Variants in PSG11 observed in about 807,000 individuals in gnomAD.
PSG11 encodes the protein pregnancy specific beta-1-glycoprotein 11.
Under a neutral mutation model 36.0 loss-of-function variants are expected in PSG11, and 42 were observed. The observed-to-expected ratio is 1.17, with a 90% confidence interval of 0.91 to 1.51. The LOEUF (loss-of-function observed/expected upper bound fraction) is 1.51. Ranked by LOEUF, PSG11 falls within the 40% of genes most tolerant of loss-of-function variation. PSG11 has a pLI of 0.00. For missense variants in PSG11, 558 were observed against 403.5 expected, an observed-to-expected ratio of 1.38 and a Z score of -3.28; for synonymous variants, 206 against 153.5, an observed-to-expected ratio of 1.34 and a Z score of -2.53.
chr19:43,013,815 A>G (rs1221029037), intron 4 of PSG11, among the ~76,000 whole-genome samples: 3 of 151,504 alleles, frequency 2.0e-5, no homozygotes, highest in East Asian at 1.9e-4. Flanking sequence ...AAATATTTGT[A>G]CACTGATGTT....
At chr19:43,015,435 T>A in intron 3 of PSG11, 65 bp from the exon 4 acceptor site, 1 of 1,530,706 alleles carries the variant, frequency 6.5e-7, no homozygotes. Context: ...CCTTGTCTCT[T>A]AAAGGGACAC....
In PSG11 at chr19:43,015,397, T is replaced by G. The variant is rs547126835; in HGVS notation, c.710-27A>C. On this transcript the variant is annotated intron_variant, in intron 3 of 5. Transcript: ENST00000320078. Reference sequence around the variant, plus strand: ...TGGAGGAAAGAGAATAAAGCCACAGTTGATGTCATCTGAGGGAAGGGGAAG... The same window carrying G: ...TGGAGGAAAGAGAATAAAGCCACAGGTGATGTCATCTGAGGGAAGGGGAAG... 6.3e-6 allele frequency: 10 copies of G among 1,596,828 alleles called. 1 individual carries two copies. Among genetic ancestry groups the G allele is most frequent in the East Asian group, 4.5e-5 (2 of 44,662 alleles).
At chr19:43,013,670 G>C (rs1372869590) in intron 4 of PSG11, among the ~76,000 whole-genome samples, 1 of 151,440 alleles carries the variant, frequency 6.6e-6, no homozygotes, top group Non-Finnish European at 1.5e-5. Context: ...GTGCATTGCT[G>C]ATGGGAATGG....
chr19:43,015,887 T>C (rs1315468002), intron 3 of PSG11: 7 of 1,609,980 alleles, frequency 4.3e-6, no homozygotes, highest in Non-Finnish European at 5.9e-6. Context: ...CTGTTTTCAA[T>C]GGGTCGCTTT....
chr19:43,014,091 G>A (rs1332653915), intron 4 of PSG11: 2 of 151,874 alleles, frequency 1.3e-5, no homozygotes, highest in Non-Finnish European at 2.9e-5. Context: ...AAAGTAGAAT[G>A]GTGGGTGCTA....
chr19:43,018,463 T>C lies in PSG11; in HGVS notation c.709+307A>G, dbSNP rs571004854. The C allele has an allele frequency of 4.9e-5, 27 of 554,596 alleles. 2 individuals are homozygous for C. Among genetic ancestry groups the C allele is most frequent in the African/African-American group, 2.3e-4 (12 of 52,330 alleles). The allele number at this position is 554,596 out of a possible 1,614,324, so 34.4% of individuals were successfully genotyped here. ...GGCCACAGTGACCCTGTGAGCCAAG[T>C]CGCAAGACTGAAGTCCCAGCCAAAT... On this transcript the variant is annotated intron_variant, in intron 3 of 5. Transcript: ENST00000320078.
Position 43,008,434 on chromosome 19 carries a change from A to G in PSG11, c.*41-392T>C, listed in dbSNP as rs542982488. On this transcript the variant is annotated intron_variant, in intron 5 of 5. Coordinates refer to ENST00000320078, the MANE Select transcript of PSG11 (RefSeq NM_002785.3). The stretch of plus-strand genomic sequence containing the variant: ...ACTACAGGTGCCTGCCACCACACCC[A>G]GCTAATTTTGTTTTTGCGTTTTTGG... 7.4e-4 allele frequency among the ~76,000 whole-genome samples: 111 copies of G among 150,906 alleles called. 3 individuals are homozygous for G. The highest frequency in any genetic ancestry group is 1.4e-3 in the Non-Finnish European group (97 of 67,792).
At chr19:43,025,280 A>C in intron 1 of PSG11, 2 of 815,922 alleles carry the variant, frequency 2.5e-6, no homozygotes, top group Admixed American at 3.2e-5. Context: ...CAGCAGCATG[A>C]CCCCCATTCC....
chr19:43,022,334 A>C (rs1046476583), intron 2 of PSG11, among the ~76,000 whole-genome samples: 4 of 151,350 alleles, frequency 2.6e-5, no homozygotes, highest in Admixed American at 6.6e-5. Flanking sequence ...CATACCTATG[A>C]CTAATGGCTC....
chr19:43,022,748 G>C (rs1256314686), intron 2 of PSG11, among the ~76,000 whole-genome samples: 5 of 151,148 alleles, frequency 3.3e-5, no homozygotes, highest in African/African-American at 1.2e-4. Context: ...GAATACAGTG[G>C]AAGCTCATTC....
chr19:43,020,408 A>C (rs1469097899), intron 2 of PSG11, among the ~76,000 whole-genome samples: 1 of 151,294 alleles, frequency 6.6e-6, no homozygotes, highest in Admixed American at 6.6e-5. Context: ...GGATTTCTGG[A>C]TTTGGGATGC....
rs770043436 is a variant in PSG11 at position 43,009,981 on chromosome 19, A to C, written c.*17T>G. On this transcript the variant is annotated 3_prime_UTR_variant, in exon 5 of 6. Transcript: ENST00000320078. ...ACCTGCCAGTCTTCCTGAAATACAA[A>C]AATGACATCACGGCTGCTACGTTGG... 3.7e-6 allele frequency: 6 copies of C among 1,603,280 alleles called. No individual in the cohort carries two copies. The highest frequency in any genetic ancestry group is 3.4e-6 in the Non-Finnish European group (4 of 1,171,364).
intron 1 of PSG11, 165 bp from the exon 2 acceptor site, chr19:43,025,221 T>A (rs1324971512): frequency 2.0e-5 from 25 of 1,248,712 alleles, no homozygotes; most frequent in Middle Eastern, 2.8e-4. Flanking sequence ...GGCATGTGTG[T>A]TTGTGTATGT....
At chr19:43,009,370 G>A (rs1411700420) in intron 5 of PSG11, among the ~76,000 whole-genome samples, 1 of 151,350 alleles carries the variant, frequency 6.6e-6, no homozygotes, top group East Asian at 1.9e-4. Context: ...AGAATTTTAT[G>A]TCTATATGGG....
intron 3 of PSG11, chr19:43,015,966 T>C (rs899426629): frequency 1.9e-6 from 3 of 1,610,078 alleles, no homozygotes; most frequent in Non-Finnish European, 2.5e-6. Context: ...CACTCTTAGG[T>C]TCACAGGTGA....
intron 5 of PSG11, among the ~76,000 whole-genome samples, chr19:43,008,458 G>T (rs935757898): frequency 6.6e-6 from 1 of 150,680 alleles, no homozygotes; most frequent in Non-Finnish European, 1.5e-5. Flanking sequence ...TTGCGTTTTT[G>T]GTAGAGATGG....
chr19:43,013,038 G>A (rs1283065205), intron 4 of PSG11, among the ~76,000 whole-genome samples: 2 of 151,430 alleles, frequency 1.3e-5, no homozygotes, highest in Admixed American at 6.6e-5. Context: ...AAGGGACAGT[G>A]TTCTCACCAA....
rs1967201812 is a variant in PSG11 at position 43,024,919 on chromosome 19, A to G, written c.202T>C (p.Tyr68His). 3 of 1,611,672 alleles carry G rather than the reference A, an allele frequency of 1.9e-6. No individual in the cohort carries two copies. Among genetic ancestry groups the G allele is most frequent in the East Asian group, 2.2e-5 (1 of 44,796 alleles). ...LPQNLTGYIW[Y>H]KGQIRDLYHY... ...TAGAGGTCCCTGATTTGCCCTTTGT[A>G]CCAGATGTAGCCAGTAAGATTCTGG... The change falls in exon 2 of 6, where the codon TAC (tyrosine) becomes CAC (histidine). Residue 68 changes from tyrosine (Y) to histidine (H), a missense_variant. Transcript: ENST00000320078.
At chr19:43,011,734 A>G (rs1300185375) in intron 4 of PSG11, among the ~76,000 whole-genome samples, 3 of 150,798 alleles carry the variant, frequency 2.0e-5, no homozygotes, top group Non-Finnish European at 4.4e-5. Flanking sequence ...AAAAAATTAA[A>G]AAGCCAACTA....
Sources: gnomAD v4.1 joint callset for allele counts (sites outside exome capture counted in the v4.1 genomes callset) on GRCh38, gnomAD v4.1.1 for gene constraint, MANE v1.5 for transcripts, NCBI Gene and HGNC (gene_info 2026-07-23, HGNC 2026-07-21) for gene names.